NXPH1: variants seen among roughly 807,000 people sequenced by gnomAD.
NXPH1 encodes neurexophilin-1.
Under a neutral mutation model 23.7 loss-of-function variants are expected in NXPH1, and 5 were observed. That is an observed-to-expected ratio of 0.21 (90% CI 0.11 to 0.44). NXPH1 has a LOEUF of 0.44. Ranked by LOEUF, NXPH1 falls within the 20% of genes least tolerant of loss-of-function variation. The pLI is 0.99. For missense variants in NXPH1, 324 were observed against 321.6 expected (o/e 1.01, Z -0.06); for synonymous variants, 144 against 122.2 (o/e 1.18, Z -1.18).
intron 2 of NXPH1, among the ~76,000 whole-genome samples, chr7:8,618,123 T>C (rs1819786221): frequency 6.6e-6 from 1 of 152,168 alleles, no homozygotes. Context: ...TAAGGAATTA[T>C]GATTTCTGTC....
chr7:8,511,968 C>G (rs1184384152), intron 2 of NXPH1, among the ~76,000 whole-genome samples: 2 of 152,094 alleles, frequency 1.3e-5, no homozygotes, highest in Non-Finnish European at 2.9e-5. Context: ...TAGCTCTGGC[C>G]CTTGGCGCTC....
At chr7:8,552,310 T>C (rs1055448849) in intron 2 of NXPH1, among the ~76,000 whole-genome samples, 3 of 151,366 alleles carry the variant, frequency 2.0e-5, no homozygotes, top group African/African-American at 4.8e-5. Context: ...AGAGGCCTGA[T>C]GGGATTTATA....
chr7:8,616,888 A>T (rs1308388299), intron 2 of NXPH1, among the ~76,000 whole-genome samples: 1 of 150,590 alleles, frequency 6.6e-6, no homozygotes, highest in Non-Finnish European at 1.5e-5. Flanking sequence ...TGAAGTATGG[A>T]TATCAGATTT....
intron 2 of NXPH1, among the ~76,000 whole-genome samples, chr7:8,709,379 T>G: frequency 6.6e-6 from 1 of 152,198 alleles, no homozygotes. Context: ...GTGGGATGAG[T>G]ATAAAGAAAT....
intron 2 of NXPH1, among the ~76,000 whole-genome samples, chr7:8,650,012 G>A (rs1820465427): frequency 7.8e-6 from 1 of 127,680 alleles, no homozygotes; most frequent in African/African-American, 2.7e-5. Flanking sequence ...TTTACCTGGT[G>A]AAACCTGTCT....
At chr7:8,687,692 C>T (rs1199662719) in intron 2 of NXPH1, among the ~76,000 whole-genome samples, 1 of 152,026 alleles carries the variant, frequency 6.6e-6, no homozygotes, top group Admixed American at 6.6e-5. Context: ...AGATAATAAC[C>T]TTGATGAGAT....
At chr7:8,597,384 G>T (rs1037513204) in intron 2 of NXPH1, among the ~76,000 whole-genome samples, 7 of 152,088 alleles carry the variant, frequency 4.6e-5, no homozygotes, top group Admixed American at 2.0e-4. Context: ...GATAATGGGG[G>T]TGGGCAAGTG....
At chr7:8,513,265 T>C (rs1817638818) in intron 2 of NXPH1, among the ~76,000 whole-genome samples, 1 of 151,978 alleles carries the variant, frequency 6.6e-6, no homozygotes, top group African/African-American at 2.4e-5. Context: ...TATAGGGATA[T>C]CACAGAATAG....
At chr7:8,469,528 T>C (rs1196262167) in intron 2 of NXPH1, among the ~76,000 whole-genome samples, 2 of 152,050 alleles carry the variant, frequency 1.3e-5, no homozygotes, top group Non-Finnish European at 2.9e-5. Context: ...TTCCCTCTCC[T>C]CTCATCCTTT....
intron 2 of NXPH1, among the ~76,000 whole-genome samples, chr7:8,537,636 G>A (rs1377720359): frequency 6.6e-6 from 1 of 151,938 alleles, no homozygotes; most frequent in Non-Finnish European, 1.5e-5. Context: ...TGAGATTTGA[G>A]TGGGGACACA....
chr7:8,620,970 G>A (rs542334915), intron 2 of NXPH1, among the ~76,000 whole-genome samples: 4 of 152,092 alleles, frequency 2.6e-5, no homozygotes, highest in Non-Finnish European at 5.9e-5. Context: ...CAATCTAAAG[G>A]TGTTTTTGTC....
intron 2 of NXPH1, among the ~76,000 whole-genome samples, chr7:8,733,500 CTG>C (rs1780193852): frequency 6.6e-6 from 1 of 152,174 alleles, no homozygotes; most frequent in African/African-American, 2.4e-5. Context: ...CCCACCAACA[CTG>C]TAAAAGCGTT....
At chr7:8,460,428 A>G (rs760020227) in intron 2 of NXPH1, among the ~76,000 whole-genome samples, 1 of 152,194 alleles carries the variant, frequency 6.6e-6, no homozygotes, top group Admixed American at 6.5e-5. Context: ...TTTAAAATCA[A>G]GCAGTAGAGT....
intron 2 of NXPH1, among the ~76,000 whole-genome samples, chr7:8,720,302 G>A (rs1046673434): frequency 2.6e-5 from 4 of 152,154 alleles, no homozygotes; most frequent in Admixed American, 2.0e-4. Flanking sequence ...ATAAGAATTC[G>A]AATGCTGTTT....
intron 2 of NXPH1, among the ~76,000 whole-genome samples, chr7:8,618,708 T>C (rs552749856): frequency 1.3e-5 from 2 of 152,324 alleles, no homozygotes; most frequent in African/African-American, 4.8e-5. Context: ...AATCACTGCA[T>C]CATTCTTTCA....
intron 2 of NXPH1, among the ~76,000 whole-genome samples, chr7:8,738,772 C>G (rs1047755789): frequency 1.1e-4 from 16 of 152,140 alleles, no homozygotes; most frequent in African/African-American, 3.6e-4. Flanking sequence ...GGAGTTTTAT[C>G]TATAAGCCCC....
intron 2 of NXPH1, among the ~76,000 whole-genome samples, chr7:8,474,548 C>A (rs538604915): frequency 6.6e-6 from 1 of 152,138 alleles, no homozygotes; most frequent in South Asian, 2.1e-4. Context: ...ATACCAAGTA[C>A]GTATGTTTAA....
intron 2 of NXPH1, among the ~76,000 whole-genome samples, chr7:8,660,738 A>G (rs1820657430): frequency 6.6e-6 from 1 of 152,194 alleles, no homozygotes; most frequent in Admixed American, 6.5e-5. Flanking sequence ...TCAGACAAGG[A>G]AAAGATTCAC....
intron 2 of NXPH1, among the ~76,000 whole-genome samples, chr7:8,701,898 TAA>T (rs929781675): frequency 2.0e-5 from 3 of 152,080 alleles, no homozygotes; most frequent in African/African-American, 7.2e-5. Context: ...GGTGATTATC[TAA>T]AAGTCTCTGA....
Sources: gnomAD v4.1 joint callset for allele counts (sites outside exome capture counted in the v4.1 genomes callset) on GRCh38, gnomAD v4.1.1 for gene constraint, MANE v1.5 for transcripts, NCBI Gene and HGNC (gene_info 2026-07-23, HGNC 2026-07-21) for gene names.